The following LRRC9 variants were observed in gnomAD, a reference collection of about 807,000 sequenced individuals.
LRRC9 encodes the protein leucine rich repeat containing 9.
In LRRC9, 122 loss-of-function variants were observed where a neutral mutation model predicts 63.2. The ratio of observed to expected loss-of-function variants is 1.93; its 90% CI spans 1.67 to 2.24. The LOEUF (loss-of-function observed/expected upper bound fraction) is 2.24, where lower values mean the gene tolerates loss of function less well. LRRC9 is among the 30% of genes most tolerant of loss of function. The pLI, the probability that LRRC9 is intolerant of heterozygous loss-of-function variation, is 0.00. For synonymous variants in LRRC9, 366 were observed against 213.1 expected, an observed-to-expected ratio of 1.72 and a Z score of -6.25; for missense variants, 1,071 against 627.7, an observed-to-expected ratio of 1.71 and a Z score of -7.55.
intron 10 of LRRC9, among the ~76,000 whole-genome samples, 166 bp downstream of exon 10, chr14:59,961,211 A>C (rs150686): frequency 4.9e-4 from 74 of 152,228 alleles, no homozygotes; most frequent in African/African-American, 1.7e-3. Context: ...AAAACTGAAA[A>C]TTACCTACTT....
At chr14:60,015,388 T>G (rs1292875539) in intron 23 of LRRC9, among the ~76,000 whole-genome samples, 2 of 152,134 alleles carry the variant, frequency 1.3e-5, no homozygotes, top group African/African-American at 4.8e-5. Context: ...ATTATGTGGG[T>G]CTTATTTAAA....
intron 27 of LRRC9, among the ~76,000 whole-genome samples, chr14:60,026,569 T>C (rs1415245860): frequency 6.6e-6 from 1 of 152,124 alleles, no homozygotes. Flanking sequence ...TCAGGAGCTT[T>C]TTAGCTTGAT....
intron 27 of LRRC9, among the ~76,000 whole-genome samples, chr14:60,024,565 T>C (rs1262207499): frequency 3.9e-5 from 6 of 152,100 alleles, no homozygotes; most frequent in Admixed American, 1.3e-4. Flanking sequence ...TTCTAGACCA[T>C]ATTTTTAAAA....
At chr14:59,997,904 C>A in intron 18 of LRRC9, 57 bp downstream of exon 18, 1 of 614,016 alleles carries the variant, frequency 1.6e-6, no homozygotes. Flanking sequence ...AGCCATTTCC[C>A]TACTAACTTT....
chr14:59,975,151 G>GTATATATATATATGTA, intron 13 of LRRC9, among the ~76,000 whole-genome samples: 1 of 10,502 alleles, frequency 9.5e-5, no homozygotes, highest in East Asian at 2.0e-3. Flanking sequence ...ATATATATAT[G>GTATATATATATATGTA]TATATATATA....
chr14:59,977,905 A>G (rs1288576301), intron 14 of LRRC9, 112 bp from the exon 15 acceptor site: 6 of 512,914 alleles, frequency 1.2e-5, no homozygotes, highest in South Asian at 9.4e-5. Flanking sequence ...CTTCAATAAT[A>G]TAACTGTTGC....
At chr14:60,010,683 G>C (rs1179512165) in intron 23 of LRRC9, among the ~76,000 whole-genome samples, 9 of 151,934 alleles carry the variant, frequency 5.9e-5, no homozygotes, top group Non-Finnish European at 4.4e-5. Context: ...TTTTTGCTTT[G>C]CTTCCTCTTG....
At position 60,042,132 on chromosome 14, in the gene LRRC9, C is replaced by A. The variant is rs1311244997; in HGVS notation, c.3990+10069C>A. Reference sequence around the variant, plus strand: ...GGAACCTTCGTCTCAGAGGGGCACCCAGCTGTATGAGGTGTCAGTCAGCCC... The same window carrying A: ...GGAACCTTCGTCTCAGAGGGGCACCAAGCTGTATGAGGTGTCAGTCAGCCC... On this transcript the variant is annotated intron_variant, in intron 29 of 31. Coordinates refer to ENST00000445360, the Ensembl canonical transcript of LRRC9. The surrounding 1 kb of genome is among the most constrained non-coding windows in gnomAD (Gnocchi z 4.2). Among the ~76,000 whole-genome samples the A allele has an allele frequency of 1.3e-5, 2 of 152,222 alleles. No homozygotes were observed. Among genetic ancestry groups the A allele is most frequent in the Non-Finnish European group, 2.9e-5 (2 of 68,034 alleles).
intron 18 of LRRC9, among the ~76,000 whole-genome samples, chr14:59,998,686 T>A (rs997483858): frequency 6.6e-6 from 1 of 152,060 alleles, no homozygotes; most frequent in Non-Finnish European, 1.5e-5. Flanking sequence ...ATTTTTCTTT[T>A]GCCAAAGCAT....
At chr14:60,040,907 C>T (rs1378425070) in intron 29 of LRRC9, among the ~76,000 whole-genome samples, 2 of 151,884 alleles carry the variant, frequency 1.3e-5, no homozygotes, top group Non-Finnish European at 2.9e-5. Flanking sequence ...CCAGTTGTTC[C>T]TTTCCATGTT....
At chr14:60,055,236 A>G (rs538444625) in intron 30 of LRRC9, among the ~76,000 whole-genome samples, 1 of 152,256 alleles carries the variant, frequency 6.6e-6, no homozygotes, top group African/African-American at 2.4e-5. Context: ...GACTATATCT[A>G]CAAATTTTTT....
At chr14:60,015,858 G>C (rs1270998904) in intron 23 of LRRC9, among the ~76,000 whole-genome samples, 1 of 152,108 alleles carries the variant, frequency 6.6e-6, no homozygotes. Context: ...GATGAGCACT[G>C]GTGAAAGTCT....
Position 60,017,248 on chromosome 14 carries a change from T to C in LRRC9, c.3317+458T>C, listed in dbSNP as rs942987538. 2.6e-5 allele frequency among the ~76,000 whole-genome samples: 4 copies of C among 152,102 alleles called. No individual in the cohort carries two copies. The East Asian group carries it at 7.7e-4, about 29-fold the overall frequency. On this transcript the variant is annotated intron_variant, in intron 24 of 31. Transcript: ENST00000445360. The surrounding 1 kb of genome is among the most constrained non-coding windows in gnomAD (Gnocchi z 4.0). ...ATTATCTGTCCATTATTATCTCTTG[T>C]AGTCCTTTTCTTTACTGCCCATGAT...
At chr14:59,993,609 G>T (rs1453877266) in intron 17 of LRRC9, among the ~76,000 whole-genome samples, 4 of 152,108 alleles carry the variant, frequency 2.6e-5, no homozygotes, top group East Asian at 3.9e-4. Context: ...AATAAAGGGA[G>T]GGAGGAAGAT....
chr14:60,006,648 T>C (rs1367296322), intron 22 of LRRC9, 31 bp downstream of exon 22: 2 of 582,682 alleles, frequency 3.4e-6, no homozygotes, highest in Admixed American at 3.2e-5. Context: ...TTTTTTGTTT[T>C]TTAACATGTA....
chr14:59,988,510 G>A (rs1887715449), intron 17 of LRRC9, among the ~76,000 whole-genome samples: 1 of 152,106 alleles, frequency 6.6e-6, no homozygotes. Flanking sequence ...GATACAAGAT[G>A]ATAGAATATT....
In LRRC9 at chr14:60,003,854, C is replaced by A; in HGVS notation, c.2842+56C>A. ...AATATGGGATGTCTAAACAACAAAG[C>A]AAAAAATAACCCTGGGAACAGAGTT... On this transcript the variant is annotated intron_variant, in intron 21 of 31. Coordinates refer to ENST00000445360, the Ensembl canonical transcript of LRRC9. The surrounding 1 kb of genome is among the most constrained non-coding windows in gnomAD (Gnocchi z 4.2). 3.7e-6 allele frequency: 2 copies of A among 538,620 alleles called. No homozygotes were observed. Among genetic ancestry groups the A allele is most frequent in the African/African-American group, 2.0e-5 (1 of 50,996 alleles). The allele number at this position is 538,620 out of a possible 1,614,324, so 33.4% of individuals were successfully genotyped here.
At chr14:60,043,681 T>C (rs1893146968) in intron 29 of LRRC9, among the ~76,000 whole-genome samples, 1 of 151,978 alleles carries the variant, frequency 6.6e-6, no homozygotes, top group African/African-American at 2.4e-5. Flanking sequence ...TGTTGTTACA[T>C]TTAGTTTGTT....
At position 60,053,938 on chromosome 14, in the gene LRRC9, C is replaced by A. The variant is rs574677757; in HGVS notation, c.4131+733C>A. The A allele has an allele frequency of 1.3e-5, 6 of 455,564 alleles. No homozygotes were observed. Among genetic ancestry groups the A allele is most frequent in the African/African-American group, 1.0e-4 (5 of 50,098 alleles). 28.2% of individuals were successfully genotyped at this position (455,564 alleles called of 1,614,324 possible). A position where few individuals can be genotyped will look rare whatever the true frequency, so the allele number is the denominator to read the frequency against. On this transcript the variant is annotated intron_variant, in intron 30 of 31. Coordinates refer to ENST00000445360, the Ensembl canonical transcript of LRRC9. The surrounding 1 kb of genome is among the most constrained non-coding windows in gnomAD (Gnocchi z 4.8). ...AAGAGGCTGGAGGGAGAAGGGAAAC[C>A]AGCTCAGAGGCTTTTAGAATAATCC...
Sources: gnomAD v4.1 joint callset for allele counts (sites outside exome capture counted in the v4.1 genomes callset) on GRCh38, gnomAD v4.1.1 for gene constraint, Gnocchi (gnomAD v3.1) non-coding constraint, MANE v1.5 for transcripts, NCBI Gene and HGNC (gene_info 2026-07-23, HGNC 2026-07-21) for gene names.